ARHGEF3: variants seen among roughly 807,000 people sequenced by gnomAD.
ARHGEF3 encodes the protein Rho guanine nucleotide exchange factor 3.
A neutral mutation model predicts 63.2 loss-of-function variants in ARHGEF3; 28 were observed. The observed-to-expected ratio is 0.44, with a 90% CI of 0.33 to 0.61. ARHGEF3 has a LOEUF of 0.61. Ranked by LOEUF, ARHGEF3 falls within the 20% of genes least tolerant of loss-of-function variation. The pLI is 0.03. For synonymous variants in ARHGEF3, 266 were observed against 254.2 expected (o/e 1.05, Z -0.44); for missense variants, 533 against 659.3 (o/e 0.81, Z 2.10).
chr3:56,974,163 A>T (rs1353683466), intron 2 of ARHGEF3, among the ~76,000 whole-genome samples: 1 of 152,172 alleles, frequency 6.6e-6, no homozygotes, highest in East Asian at 1.9e-4. Context: ...CCCTCTAGAC[A>T]TATGGTAGAT....
At chr3:57,040,632 T>C (rs763120880) in intron 1 of ARHGEF3, among the ~76,000 whole-genome samples, 2 of 152,020 alleles carry the variant, frequency 1.3e-5, no homozygotes, top group African/African-American at 2.4e-5. Flanking sequence ...TTAATACAGG[T>C]ATGATCCATT....
intron 2 of ARHGEF3, among the ~76,000 whole-genome samples, chr3:56,756,596 C>T (rs1241430107): frequency 2.2e-5 from 3 of 135,662 alleles, no homozygotes; most frequent in Non-Finnish European, 4.5e-5. Flanking sequence ...GTCGCCCAGG[C>T]TGGAGTACAG....
chr3:57,010,771 C>G (rs1028022403), intron 2 of ARHGEF3, among the ~76,000 whole-genome samples: 1 of 152,052 alleles, frequency 6.6e-6, no homozygotes, highest in African/African-American at 2.4e-5. Context: ...AGGCCTGAAT[C>G]ATGGGGAGAC....
At chr3:56,918,252 A>C (rs1450994744) in intron 3 of ARHGEF3, among the ~76,000 whole-genome samples, 1 of 152,174 alleles carries the variant, frequency 6.6e-6, no homozygotes, top group African/African-American at 2.4e-5. Flanking sequence ...CTCTTGGAGT[A>C]TTTTCTGACA....
At chr3:56,737,507 AC>A (rs2033712055) in intron 7 of ARHGEF3, 152 bp from the exon 8 acceptor site, 1 of 582,732 alleles carries the variant, frequency 1.7e-6, no homozygotes, top group Non-Finnish European at 3.0e-6. Flanking sequence ...AAAAAAAAAA[AC>A]ATAAATACTT....
intron 1 of ARHGEF3, among the ~76,000 whole-genome samples, chr3:56,794,257 G>A (rs2037228366): frequency 6.6e-6 from 1 of 152,060 alleles, no homozygotes; most frequent in Admixed American, 6.5e-5. Context: ...GGAGGCCGAG[G>A]GGGGTGGATT....
intron 2 of ARHGEF3, among the ~76,000 whole-genome samples, chr3:56,994,141 T>C (rs939484036): frequency 6.6e-6 from 1 of 151,456 alleles, no homozygotes; most frequent in African/African-American, 2.4e-5. Context: ...ATAGTTGTTA[T>C]GATTATCAGA....
intron 2 of ARHGEF3, among the ~76,000 whole-genome samples, chr3:56,960,025 C>G (rs1343598806): frequency 6.6e-6 from 1 of 152,202 alleles, no homozygotes; most frequent in Non-Finnish European, 1.5e-5. Flanking sequence ...TCACTTTTAC[C>G]TTGACCTTTC....
intron 2 of ARHGEF3, 36 bp downstream of exon 2, chr3:56,773,672 AT>A: frequency 6.6e-7 from 1 of 1,514,518 alleles, no homozygotes; most frequent in Non-Finnish European, 8.9e-7. Context: ...GTACACCATG[AT>A]TTTCTGCAAC....
At chr3:56,928,999 G>A (rs2042344925) in intron 3 of ARHGEF3, among the ~76,000 whole-genome samples, 1 of 152,118 alleles carries the variant, frequency 6.6e-6, no homozygotes, top group Admixed American at 6.5e-5. Flanking sequence ...TGCTGCACAG[G>A]ACAATAAAGG....
intron 2 of ARHGEF3, among the ~76,000 whole-genome samples, chr3:57,005,151 A>T (rs1702420774): frequency 6.6e-6 from 1 of 152,166 alleles, no homozygotes; most frequent in African/African-American, 2.4e-5. Context: ...CTCCTAGGTG[A>T]ACAACAGCTT....
chr3:56,850,028 C>G lies in ARHGEF3; in HGVS notation c.192+32264G>C, dbSNP rs150676441. ...CATTTTCTGGGTTTTAAGTATTACC[C>G]TTCCCCCGCACCCACCACCCCCTCA... On this transcript the variant is annotated intron_variant, in intron 4 of 12. Coordinates refer to the ARHGEF3 transcript ENST00000338458. Among the ~76,000 whole-genome samples the G allele has an allele frequency of 5.7e-3, 867 of 152,190 alleles. 12 individuals carry two copies. Among genetic ancestry groups the G allele is most frequent in the African/African-American group, 0.02 (814 of 41,494 alleles).
chr3:56,960,659 C>A (rs568436771), intron 2 of ARHGEF3: 1 of 152,312 alleles, frequency 6.6e-6, no homozygotes, highest in East Asian at 1.9e-4. Flanking sequence ...TGGGAACTCC[C>A]ACCTGATGTG....
intron 1 of ARHGEF3, among the ~76,000 whole-genome samples, chr3:57,042,686 ATATATATATATATATTTT>A (rs1704260609): frequency 1.3e-4 from 1 of 7,662 alleles, no homozygotes; most frequent in Non-Finnish European, 2.1e-4. Context: ...ATATATATAT[ATATATATATATATATTTT>A]TTTTTTTTTT....
intron 2 of ARHGEF3, among the ~76,000 whole-genome samples, chr3:56,989,644 C>T (rs938390063): frequency 4.6e-5 from 7 of 152,162 alleles, no homozygotes; most frequent in Non-Finnish European, 7.4e-5. Flanking sequence ...CAGGACAGCA[C>T]TCATCTGGCC....
chr3:56,938,281 T>G (rs572619548), intron 3 of ARHGEF3, among the ~76,000 whole-genome samples: 43 of 152,158 alleles, frequency 2.8e-4, no homozygotes, highest in Non-Finnish European at 5.7e-4. Flanking sequence ...AAGAAAAGAA[T>G]TTTAATCTTC....
intron 3 of ARHGEF3, chr3:56,916,342 G>A (rs993061383): frequency 1.3e-6 from 2 of 1,535,316 alleles, no homozygotes; most frequent in African/African-American, 2.7e-5. Flanking sequence ...ACCACACCAT[G>A]GGGCGCTCTG....
At chr3:56,925,147 T>C (rs1336224881) in intron 3 of ARHGEF3, among the ~76,000 whole-genome samples, 1 of 152,232 alleles carries the variant, frequency 6.6e-6, no homozygotes, top group Non-Finnish European at 1.5e-5. Flanking sequence ...GACCCCATTC[T>C]GCGAGGGTGG....
At chr3:56,916,257 C>T (rs927257656) in intron 3 of ARHGEF3, 75 of 1,522,576 alleles carry the variant, frequency 4.9e-5, no homozygotes, top group Middle Eastern at 3.4e-4. Flanking sequence ...CCACCCGGCT[C>T]GGGTGGGAGT....
Sources: allele counts gnomAD v4.1 joint callset (sites outside exome capture counted in the v4.1 genomes callset), GRCh38; gene constraint gnomAD v4.1.1; transcripts MANE v1.5; gene names NCBI Gene and HGNC (gene_info 2026-07-23, HGNC 2026-07-21).